Variants in KCNQ1 observed in about 807,000 individuals in gnomAD.
The protein encoded by KCNQ1 is potassium voltage-gated channel subfamily KQT member 1.
Under a neutral mutation model 72.4 loss-of-function variants are expected in KCNQ1, and 49 were observed. The ratio of observed to expected loss-of-function variants is 0.68; its 90% CI spans 0.54 to 0.86. The LOEUF is 0.86. Ranked by LOEUF, KCNQ1 falls within the 40% of genes least tolerant of loss-of-function variation. The probability of loss-of-function intolerance (pLI) is 0.00; values close to 1 mark genes in which losing one functional copy is unlikely to be tolerated. For synonymous variants in KCNQ1, 450 were observed against 412.6 expected (o/e 1.09, Z -1.10); for missense variants, 790 against 945.1 (o/e 0.84, Z 2.15).
rs1321311479 is a variant in KCNQ1 at position 2,479,681 on chromosome 11, C to T, written c.386+34197C>T. Among the ~76,000 whole-genome samples, 1 of 152,216 alleles carries T rather than the reference C, an allele frequency of 6.6e-6. No individual in the cohort carries two copies. The highest frequency in any genetic ancestry group is 1.5e-5 in the Non-Finnish European group (1 of 68,040). On this transcript the variant is annotated intron_variant, in intron 1 of 15. Transcript: ENST00000155840. The surrounding 1 kb of genome is among the most constrained non-coding windows in gnomAD (Gnocchi z 4.6). ...GGCTGCTCCTAAGGTCTCTGACATGCCCTGGAGACATTTTCCCCATTGTCT... is the reference window on the plus strand; with the variant it reads ...GGCTGCTCCTAAGGTCTCTGACATGTCCTGGAGACATTTTCCCCATTGTCT...
In KCNQ1 at chr11:2,826,147, G is replaced by A. The variant is rs906051524; in HGVS notation, c.1795-21620G>A. Reference sequence around the variant, plus strand: ...CAATGTCTTGAGTAATTATTGGGGGGCGGGGGCTGTCCAGCCCGCAGCAGA... The same window carrying A: ...CAATGTCTTGAGTAATTATTGGGGGACGGGGGCTGTCCAGCCCGCAGCAGA... On this transcript the variant is annotated intron_variant, in intron 15 of 15. Coordinates refer to ENST00000155840, the MANE Select transcript of KCNQ1 (RefSeq NM_000218.3). The surrounding 1 kb of genome is among the most constrained non-coding windows in gnomAD (Gnocchi z 4.2). 6.6e-6 allele frequency among the ~76,000 whole-genome samples: 1 copy of A among 152,250 alleles called. No individual in the cohort carries two copies. The highest frequency in any genetic ancestry group is 1.5e-5 in the Non-Finnish European group (1 of 68,052).
rs960427133 is a variant in KCNQ1 at position 2,698,438 on chromosome 11, A to G, written c.1514+36357A>G. 31 of 374,870 alleles carry G rather than the reference A, an allele frequency of 8.3e-5. No individual in the cohort carries two copies. The highest frequency in any genetic ancestry group is 7.3e-4 in the African/African-American group (30 of 41,256). 23.2% of individuals were successfully genotyped at this position (374,870 alleles called of 1,614,324 possible). On this transcript the variant is annotated intron_variant, in intron 11 of 15. Transcript: ENST00000155840. This position sits in a 1 kb window ranked among gnomAD's most constrained non-coding sequence, Gnocchi z 5.1. ...GTGGCCCTTCAAGCCTACTACCCAG[A>G]CTGAGACCTGCATCTGATCAACTCT...
rs1409817624 is a variant in KCNQ1 at position 2,816,270 on chromosome 11, G to T, written c.1795-31497G>T. Among the ~76,000 whole-genome samples the T allele has an allele frequency of 6.6e-6, 1 of 152,228 alleles. No individual in the cohort carries two copies. The highest frequency in any genetic ancestry group is 1.5e-5 in the Non-Finnish European group (1 of 68,044). ...AGGTTGTGGGAGGGAGACTTGAAGGGCAAGTTGGCCAAGACTAAAAAGTGG... is the reference window on the plus strand; with the variant it reads ...AGGTTGTGGGAGGGAGACTTGAAGGTCAAGTTGGCCAAGACTAAAAAGTGG... On this transcript the variant is annotated intron_variant, in intron 15 of 15. Coordinates refer to ENST00000155840, the MANE Select transcript of KCNQ1 (RefSeq NM_000218.3). This position sits in a 1 kb window ranked among gnomAD's most constrained non-coding sequence, Gnocchi z 6.8.
intron 6 of KCNQ1, among the ~76,000 whole-genome samples, chr11:2,578,675 C>T (rs1848456197): frequency 6.6e-6 from 1 of 152,258 alleles, no homozygotes; most frequent in South Asian, 2.1e-4. Flanking sequence ...GTCCCGGAGC[C>T]CCTGCCGCCC....
intron 11 of KCNQ1, among the ~76,000 whole-genome samples, chr11:2,741,769 G>A (rs973764453): frequency 3.9e-5 from 6 of 152,252 alleles, no homozygotes; most frequent in Admixed American, 6.5e-5. Context: ...CTGCGGGCGC[G>A]CAGACAGCTG....
intron 11 of KCNQ1, chr11:2,667,327 C>T (rs1850095069): frequency 2.5e-6 from 1 of 398,656 alleles, no homozygotes; most frequent in East Asian, 3.6e-5. Flanking sequence ...CAGAAGAAAG[C>T]AGTGAGGCTT....
intron 6 of KCNQ1, among the ~76,000 whole-genome samples, chr11:2,573,685 G>A (rs998637393): frequency 3.9e-5 from 6 of 152,110 alleles, no homozygotes; most frequent in African/African-American, 1.4e-4. Context: ...GGAGCCTTGG[G>A]GAAGCCGGTG....
Position 2,727,227 on chromosome 11 carries a change from G to A in KCNQ1, c.1515-41617G>A, listed in dbSNP as rs1419597507. Reference sequence around the variant, plus strand: ...GTCTACAGATGTTAGGGACAAGGAGGCAGCTTGGGGGATGTGCTCAGGCCC... The same window carrying A: ...GTCTACAGATGTTAGGGACAAGGAGACAGCTTGGGGGATGTGCTCAGGCCC... On this transcript the variant is annotated intron_variant, in intron 11 of 15. Transcript: ENST00000155840. Among the ~76,000 whole-genome samples the A allele has an allele frequency of 2.0e-5, 3 of 152,212 alleles. No individual in the cohort carries two copies. The East Asian group carries it at 5.8e-4, about 29-fold the overall frequency.
At chr11:2,722,439 A>G (rs750252095) in intron 11 of KCNQ1, among the ~76,000 whole-genome samples, 16 of 152,234 alleles carry the variant, frequency 1.1e-4, no homozygotes, top group South Asian at 6.2e-4. Flanking sequence ...CAGCATTCAG[A>G]GGTCAGGGAT....
rs541005459 is a variant in KCNQ1, at chr11:2,650,522, C to T, written c.1394-11439C>T. The T allele has an allele frequency of 7.5e-6, 3 of 398,668 alleles. No individual in the cohort carries two copies. In the South Asian group the frequency reaches 3.8e-4, roughly 51 times the overall value. The allele number at this position is 398,668 out of a possible 1,614,324, so 24.7% of individuals were successfully genotyped here. On this transcript the variant is annotated intron_variant, in intron 10 of 15. Transcript: ENST00000155840. The stretch of plus-strand genomic sequence containing the variant: ...CTACAATTAATTAGACTATAATCCA[C>T]ATCAGTGGTATCTGCAAGTTCATCA...
chr11:2,514,268 A>G (rs1158905558), intron 1 of KCNQ1, among the ~76,000 whole-genome samples: 2 of 152,264 alleles, frequency 1.3e-5, no homozygotes, highest in Non-Finnish European at 2.9e-5. Context: ...GCCTGGTCAT[A>G]GAGCCCGGCA....
At chr11:2,461,614 C>T in intron 1 of KCNQ1, 1 of 1,363,574 alleles carries the variant, frequency 7.3e-7, no homozygotes, top group South Asian at 1.1e-5. Context: ...CTCTCACCCA[C>T]AACTCCAGGT....
chr11:2,723,329 A>G lies in KCNQ1; in HGVS notation c.1515-45515A>G, dbSNP rs1051882058. Among the ~76,000 whole-genome samples the G allele has an allele frequency of 2.0e-5, 3 of 152,192 alleles. No individual in the cohort carries two copies. The highest frequency in any genetic ancestry group is 4.4e-5 in the Non-Finnish European group (3 of 68,018). ...GAGGCTCCGCAGCCTCCCCCGGGAC[A>G]CTGCAACCCTCAAGACTCCTAGCAA... On this transcript the variant is annotated intron_variant, in intron 11 of 15. Transcript: ENST00000155840. The surrounding 1 kb of genome is among the most constrained non-coding windows in gnomAD (Gnocchi z 4.2).
At position 2,670,483 on chromosome 11, in the gene KCNQ1, A is replaced by G. The variant is rs1850163299; in HGVS notation, c.1514+8402A>G. 2.5e-6 allele frequency: 1 copy of G among 397,360 alleles called. No homozygotes were observed. Among genetic ancestry groups the G allele is most frequent in the Admixed American group, 4.4e-5 (1 of 22,558 alleles). The allele number at this position is 397,360 out of a possible 1,614,324, so 24.6% of individuals were successfully genotyped here. On this transcript the variant is annotated intron_variant, in intron 11 of 15. Coordinates refer to ENST00000155840, the MANE Select transcript of KCNQ1 (RefSeq NM_000218.3). The surrounding 1 kb of genome is among the most constrained non-coding windows in gnomAD (Gnocchi z 4.9). ...CACATCCTTGGTAGGTCCCTCAGAGAGCATCTAGTGGGCCTGTCCTCCCAG... is the reference window on the plus strand; with the variant it reads ...CACATCCTTGGTAGGTCCCTCAGAGGGCATCTAGTGGGCCTGTCCTCCCAG...
chr11:2,455,166 T>C (rs545741782), intron 1 of KCNQ1, among the ~76,000 whole-genome samples: 11 of 152,092 alleles, frequency 7.2e-5, no homozygotes, highest in South Asian at 6.2e-4. Context: ...GATGAGATCT[T>C]GGCTCACTGC....
chr11:2,558,916 A>T (rs1848114672), intron 2 of KCNQ1, among the ~76,000 whole-genome samples: 1 of 152,110 alleles, frequency 6.6e-6, no homozygotes. Context: ...TTCCTTTCTT[A>T]GCTAACCCCT....
chr11:2,805,285 G>A (rs1254716048), intron 15 of KCNQ1, among the ~76,000 whole-genome samples: 1 of 152,220 alleles, frequency 6.6e-6, no homozygotes, highest in African/African-American at 2.4e-5. Flanking sequence ...CAGCTGCACA[G>A]GGCCCCTCCC....
In KCNQ1 at chr11:2,482,471, AT is replaced by A. The variant is rs1315214574; in HGVS notation, c.386+36992del. Among the ~76,000 whole-genome samples the A allele has an allele frequency of 1.3e-5, 2 of 152,092 alleles. No individual in the cohort carries two copies. Among genetic ancestry groups the A allele is most frequent in the African/African-American group, 4.8e-5 (2 of 41,408 alleles). ...TTGTGATGCAAATCCTTGTACACTC[AT>A]TTTTGCCTGGAACTCAAGATTATTT... On this transcript the variant is annotated intron_variant, in intron 1 of 15. Coordinates refer to ENST00000155840, the MANE Select transcript of KCNQ1 (RefSeq NM_000218.3). This position sits in a 1 kb window ranked among gnomAD's most constrained non-coding sequence, Gnocchi z 5.7.
chr11:2,586,739 C>A (rs1351851726), intron 8 of KCNQ1, among the ~76,000 whole-genome samples: 1 of 152,094 alleles, frequency 6.6e-6, no homozygotes, highest in Non-Finnish European at 1.5e-5. Flanking sequence ...GCTGCAGGTG[C>A]CCCTCGCCAG....
Sources: allele counts gnomAD v4.1 joint callset (sites outside exome capture counted in the v4.1 genomes callset), GRCh38; gene constraint gnomAD v4.1.1; non-coding constraint Gnocchi (gnomAD v3.1); transcripts MANE v1.5; gene names NCBI Gene and HGNC (gene_info 2026-07-23, HGNC 2026-07-21).